CLN8: variants seen among roughly 807,000 people sequenced by gnomAD.
CLN8 encodes protein CLN8.
A neutral mutation model predicts 15.7 loss-of-function variants in CLN8; 14 were observed. That is an observed-to-expected ratio of 0.89 (90% confidence interval 0.59 to 1.39). The LOEUF is 1.39. Among genes scored for constraint, CLN8 ranks in the 40% most tolerant of loss-of-function variants. CLN8 has a pLI of 0.00. For synonymous variants in CLN8, 188 were observed against 151.0 expected, an observed-to-expected ratio of 1.25 and a Z score of -1.80; for missense variants, 415 against 364.0, an observed-to-expected ratio of 1.14 and a Z score of -1.14.
In CLN8 at chr8:1,771,363, C is replaced by T. The variant is rs1186601338; in HGVS notation, c.309C>T (p.Cys103=). ...AGGCGCGTGGCCAGCAGAACTGGTG[C>T]TGGTTTCACATCACGACAGCAACGG... ...ADKARGQQNW[C]WFHITTATGF... is the part of the protein sequence containing the mutation. Residue 103 remains cysteine, a synonymous_variant, in exon 2 of 3, where the codon TGC becomes TGT. Coordinates refer to ENST00000331222, the MANE Select transcript of CLN8 (RefSeq NM_018941.4). 1.2e-6 allele frequency: 2 copies of T among 1,614,096 alleles called. No individual in the cohort carries two copies. Among genetic ancestry groups the T allele is most frequent in the African/African-American group, 2.7e-5 (2 of 74,944 alleles).
At chr8:1,769,422 C>G (rs550125880) in intron 1 of CLN8, among the ~76,000 whole-genome samples, 1 of 152,242 alleles carries the variant, frequency 6.6e-6, no homozygotes, top group South Asian at 2.1e-4. Context: ...TGAGTCAATT[C>G]TGGGGTCTCT....
upstream of CLN8, chr8:1,758,964 G>T (rs569872795): frequency 1.3e-5 from 2 of 152,216 alleles, no homozygotes; most frequent in Non-Finnish European, 2.9e-5. Context: ...AGAGACAGCC[G>T]TGTGGGGCCC....
At chr8:1,762,783 A>C (rs1022473373), upstream of CLN8, 1 of 152,302 alleles carries the variant, frequency 6.6e-6, no homozygotes, top group Non-Finnish European at 1.5e-5. Context: ...CTATACCCTC[A>C]GCTCCATTAG....
intron 1 of CLN8, among the ~76,000 whole-genome samples, chr8:1,770,591 A>G (rs548612662): frequency 2.6e-5 from 4 of 152,258 alleles, no homozygotes; most frequent in South Asian, 2.1e-4. Flanking sequence ...TGACTTAAAT[A>G]TGTTTCATCC....
intron 2 of CLN8, among the ~76,000 whole-genome samples, chr8:1,778,915 C>G (rs1025877265): frequency 6.6e-6 from 1 of 152,190 alleles, no homozygotes; most frequent in Admixed American, 6.5e-5. Flanking sequence ...TGTGCAGCCT[C>G]CCGAACATCA....
At chr8:1,754,158 C>G (rs1284180385), upstream of CLN8, among the ~76,000 whole-genome samples, 1 of 152,208 alleles carries the variant, frequency 6.6e-6, no homozygotes, top group Non-Finnish European at 1.5e-5. Context: ...ATAGCCCTCT[C>G]CAGCACACAC....
At chr8:1,763,518 GCCCCGCCC>G (rs1800881636), upstream of CLN8, among the ~76,000 whole-genome samples, 3 of 6 alleles carry the variant, frequency 0.5, 1 homozygote, top group East Asian at 1. Flanking sequence ...CCCCCGCCGC[GCCCCGCCC>G]CCCGCCGCGC....
At chr8:1,756,565 G>C (rs1203557083) in intron 1 of CLN8, among the ~76,000 whole-genome samples, 1 of 151,480 alleles carries the variant, frequency 6.6e-6, no homozygotes, top group Non-Finnish European at 1.5e-5. Context: ...TATGCTGTAT[G>C]TTTGGGGGAG....
At chr8:1,761,432 C>T (rs1237820671), upstream of CLN8, among the ~76,000 whole-genome samples, 3 of 152,208 alleles carry the variant, frequency 2.0e-5, no homozygotes, top group African/African-American at 7.2e-5. Flanking sequence ...TCAAGCAATT[C>T]TCCTGCCTCA....
Position 1,776,429 on chromosome 8 carries a change from T to C in CLN8, c.544-3821T>C, listed in dbSNP as rs578184052. ...GAAATCTGTGAGGGTTGGATATGCATGTGGCCCTGCTCCAATATACACACA... is the reference window on the plus strand; with the variant it reads ...GAAATCTGTGAGGGTTGGATATGCACGTGGCCCTGCTCCAATATACACACA... On this transcript the variant is annotated intron_variant, in intron 2 of 2. Transcript: ENST00000331222. Among the ~76,000 whole-genome samples the C allele has an allele frequency of 1.2e-4, 18 of 152,098 alleles. 2 individuals are homozygous for C. In the South Asian group the frequency reaches 3.7e-3, roughly 32 times the overall value.
At chr8:1,753,213 C>G (rs1309637893), upstream of CLN8, among the ~76,000 whole-genome samples, 2 of 152,166 alleles carry the variant, frequency 1.3e-5, no homozygotes, top group Non-Finnish European at 2.9e-5. Context: ...TTTCAGGAAT[C>G]TGTTACTGAT....
chr8:1,768,790 C>CA (rs1430723649), intron 1 of CLN8, among the ~76,000 whole-genome samples: 1 of 152,204 alleles, frequency 6.6e-6, no homozygotes, highest in Non-Finnish European at 1.5e-5. Flanking sequence ...CCTTGCTGCA[C>CA]ACTGAATACC....
Position 1,782,201 on chromosome 8 carries a change from G to A in CLN8, c.*1634G>A, listed in dbSNP as rs796537466. The stretch of plus-strand genomic sequence containing the variant: ...GCTTTGGCTCCCAGGCTGGAGTCCA[G>A]TGGTGTGATCTCGGCTCACTGCAAC... On this transcript the variant is annotated 3_prime_UTR_variant, in exon 3 of 3. Transcript: ENST00000331222. The A allele has an allele frequency of 1.2e-4, 18 of 152,294 alleles. No homozygotes were observed. The highest frequency in any genetic ancestry group is 3.9e-4 in the African/African-American group (16 of 41,548). 9.4% of individuals were successfully genotyped at this position (152,294 alleles called of 1,614,324 possible).
At chr8:1,759,000 T>C (rs1800732372), upstream of CLN8, 2 of 152,186 alleles carry the variant, frequency 1.3e-5, no homozygotes, top group African/African-American at 4.8e-5. Context: ...AAGAAATATA[T>C]TCTGGGGTAA....
At chr8:1,769,793 A>G (rs1473007028) in intron 1 of CLN8, among the ~76,000 whole-genome samples, 1 of 152,190 alleles carries the variant, frequency 6.6e-6, no homozygotes, top group Non-Finnish European at 1.5e-5. Context: ...CATGTGTTCC[A>G]TAAATGTTTC....
intron 2 of CLN8, among the ~76,000 whole-genome samples, chr8:1,775,387 G>C (rs1355122531): frequency 6.6e-6 from 1 of 152,156 alleles, no homozygotes; most frequent in Non-Finnish European, 1.5e-5. Context: ...TTTAAGTATA[G>C]ATGTAACTGC....
chr8:1,776,800 A>C (rs1399642041), intron 2 of CLN8, among the ~76,000 whole-genome samples: 1 of 152,158 alleles, frequency 6.6e-6, no homozygotes, highest in Non-Finnish European at 1.5e-5. Flanking sequence ...GGGTACTTGG[A>C]TTGTCTTAGC....
At chr8:1,765,894 C>T (rs531141265) in intron 1 of CLN8, among the ~76,000 whole-genome samples, 9 of 152,304 alleles carry the variant, frequency 5.9e-5, no homozygotes, top group Admixed American at 3.9e-4. Flanking sequence ...ACTGAACTTG[C>T]GTTAGCAGGG....
Position 1,771,324 on chromosome 8 carries a change from G to A in CLN8, c.270G>A (p.Val90=), listed in dbSNP as rs561448346. ...TGTGGGCTCTGCTGGGGGACCCTGT[G>A]CTGCATGCCGACAAGGCGCGTGGCC... ...AGLWALLGDP[V]LHADKARGQQ... Residue 90 remains valine, a synonymous_variant, in exon 2 of 3, where the codon GTG becomes GTA. Transcript: ENST00000331222. The A allele has an allele frequency of 3.7e-6, 6 of 1,614,094 alleles. No homozygotes were observed. In the African/African-American group the frequency reaches 6.7e-5, roughly 18 times the overall value.
Sources: allele counts gnomAD v4.1 joint callset (sites outside exome capture counted in the v4.1 genomes callset), GRCh38; gene constraint gnomAD v4.1.1; transcripts MANE v1.5; gene names NCBI Gene and HGNC (gene_info 2026-07-23, HGNC 2026-07-21).